Variants in OR2AE1 observed in about 807,000 individuals in gnomAD.
OR2AE1 encodes olfactory receptor 2AE1.
For synonymous variants in OR2AE1, 159 were observed against 153.6 expected, an observed-to-expected ratio of 1.04 and a Z score of -0.26; for missense variants, 400 against 395.6, an observed-to-expected ratio of 1.01 and a Z score of -0.09.
At position 99,876,522 on chromosome 7, in the gene OR2AE1, G is replaced by T; in HGVS notation, c.512C>A (p.Pro171His). 6 of 1,614,108 alleles carry T rather than the reference G, an allele frequency of 3.7e-6. No individual in the cohort carries two copies. In the Middle Eastern group the frequency reaches 9.9e-4, roughly 266 times the overall value. ...AILMHFPFCG[P>H]RKVYHFYCEF... ...ACAGTAGAAGTGGTAGACTTTCCGA[G>T]GCCCACAGAAAGGGAAGTGCATCAA... The change falls in exon 1 of 1, where the codon CCT becomes CAT. Residue 171 changes from proline to histidine, a missense_variant. Pro to His is a moderately conservative substitution (Grantham distance 77). Coordinates refer to ENST00000316368, the MANE Select transcript of OR2AE1 (RefSeq NM_001005276.1).
In OR2AE1 at chr7:99,876,756, G is replaced by A; in HGVS notation, c.278C>T (p.Ser93Phe). The A allele has an allele frequency of 1.2e-6, 2 of 1,614,082 alleles. No homozygotes were observed. Among genetic ancestry groups the A allele is most frequent in the Non-Finnish European group, 1.7e-6 (2 of 1,180,004 alleles). ...TNYLSGKKSISFVGCATQHFL... is the reference protein window; with the variant it reads ...TNYLSGKKSIFFVGCATQHFL... ...GTGCTGGGTTGCACAGCCCACAAAG[G>A]AGATAGATTTCTTGCCAGATAGGTA... Residue 93 changes from serine (S) to phenylalanine (F), a missense_variant, in exon 1 of 1, where the codon TCC becomes TTC. Ser to Phe is a radical substitution (Grantham distance 155, BLOSUM62 -2). Coordinates refer to ENST00000316368, the MANE Select transcript of OR2AE1 (RefSeq NM_001005276.1).
Position 99,876,687 on chromosome 7 carries a change from G to A in OR2AE1, c.347C>T (p.Ala116Val). 1.2e-6 allele frequency: 2 copies of A among 1,614,138 alleles called. No individual in the cohort carries two copies. Among genetic ancestry groups the A allele is most frequent in the Non-Finnish European group, 1.7e-6 (2 of 1,180,014 alleles). The part of the protein sequence containing the change: ...CLGGAECFLL[A>V]VMSYDRYVAI... ...AACATAGCGGTCATAGGACATGACAGCTAAGAGAAAACATTCAGCACCACC... is the reference window on the plus strand; with the variant it reads ...AACATAGCGGTCATAGGACATGACAACTAAGAGAAAACATTCAGCACCACC... The change falls in exon 1 of 1, where the codon GCT becomes GTT. Residue 116 changes from alanine to valine, a missense_variant. Ala to Val is a moderately conservative substitution (Grantham distance 64). Transcript: ENST00000316368.
rs1818641763 is a variant in OR2AE1 at position 99,876,986 on chromosome 7, C to T, written c.48G>A (p.Gly16=). The stretch of plus-strand genomic sequence containing the variant: ...GGTGGGTAAGGGAGTCATCGAAGAG[C>T]CCCTCAAGGATGAAGTCTGCCAGAG... ...QTSLADFILE[G]LFDDSLTHLF... is the part of the protein sequence containing the mutation. Residue 16 remains glycine, a synonymous_variant, in exon 1 of 1, where the codon GGG becomes GGA. Transcript: ENST00000316368. The T allele has an allele frequency of 6.2e-7, 1 of 1,613,506 alleles. No individual in the cohort carries two copies. Among genetic ancestry groups the T allele is most frequent in the Non-Finnish European group, 8.5e-7 (1 of 1,179,748 alleles).
rs1454223037 is a variant in OR2AE1, at chr7:99,876,287, A to G, written c.747T>C (p.Leu249=). Residue 249 remains leucine, a synonymous_variant, in exon 1 of 1, where the codon CTT becomes CTC. Coordinates refer to ENST00000316368, the MANE Select transcript of OR2AE1 (RefSeq NM_001005276.1). The stretch of plus-strand genomic sequence containing the variant: ...AGGAGAAGATGCAGGCACCAAACCA[A>G]AGAGAAACCACCGTGAGGTGGGAGC... ...TCGSHLTVVS[L]WFGACIFSYM... The G allele has an allele frequency of 6.2e-7, 1 of 1,614,174 alleles. No homozygotes were observed. Among genetic ancestry groups the G allele is most frequent in the South Asian group, 1.1e-5 (1 of 91,074 alleles).
Position 99,876,229 on chromosome 7 carries a change from G to A in OR2AE1, c.805C>T (p.Gln269Ter), listed in dbSNP as rs1818620953. The A allele has an allele frequency of 2.5e-6, 4 of 1,614,084 alleles. No individual in the cohort carries two copies. The African/African-American group carries it at 4.0e-5, about 16-fold the overall frequency. Residue 269 changes from glutamine to a stop codon, truncating the protein, a stop_gained, in exon 1 of 1, where the codon CAG (glutamine) becomes TAG (stop). Transcript: ENST00000316368. LOFTEE classifies it low-confidence loss of function (END_TRUNC). ...MRPRSQCTLLQNKVGSVFYSI... is the reference protein window; with the variant it reads ...MRPRSQCTLL ...TAGAACACAGAACCAACTTTGTTCT[G>A]CAATAGAGTGCACTGGGACCTGGGT...
Position 99,876,898 on chromosome 7 carries a change from T to C in OR2AE1, c.136A>G (p.Ile46Val), listed in dbSNP as rs996818948. 5 of 1,613,896 alleles carry C rather than the reference T, an allele frequency of 3.1e-6. No homozygotes were observed. Among genetic ancestry groups the C allele is most frequent in the Non-Finnish European group, 4.2e-6 (5 of 1,179,984 alleles). ...LIAVSGNTLT[I>V]LLICIDPQLH... ...TGGGGATCAATGCAGATGAGGAGAATGGTGAGGGTGTTGCCACTCACCGCA... is the reference window on the plus strand; with the variant it reads ...TGGGGATCAATGCAGATGAGGAGAACGGTGAGGGTGTTGCCACTCACCGCA... The change falls in exon 1 of 1, where the codon ATT becomes GTT. Residue 46 changes from isoleucine to valine, a missense_variant. Ile to Val is a conservative substitution (Grantham distance 29, BLOSUM62 3). Coordinates refer to ENST00000316368, the MANE Select transcript of OR2AE1 (RefSeq NM_001005276.1).
rs1255390555 is a variant in OR2AE1, at chr7:99,876,425, G to A, written c.609C>T (p.Ser203=). 2 of 1,614,250 alleles carry A rather than the reference G, an allele frequency of 1.2e-6. No individual in the cohort carries two copies. The highest frequency in any genetic ancestry group is 2.2e-5 in the South Asian group (2 of 91,082). ...GGAAGATGGGGAGGAGGAGGAGAATGCTGCTGATGTACACTGTGGTCTCAT... is the reference window on the plus strand; with the variant it reads ...GGAAGATGGGGAGGAGGAGGAGAATACTGCTGATGTACACTGTGGTCTCAT... The part of the protein sequence containing the change: ...TVYETTVYIS[S]ILLLLPIFLI... The change falls in exon 1 of 1, where the codon AGC becomes AGT. Residue 203 remains serine (S), a synonymous_variant. Transcript: ENST00000316368.
At position 99,876,099 on chromosome 7, in the gene OR2AE1, C is replaced by A. The variant is rs755904424; in HGVS notation, c.935G>T (p.Cys312Phe). The A allele has an allele frequency of 5.0e-6, 8 of 1,608,286 alleles. No individual in the cohort carries two copies. The South Asian group carries it at 6.7e-5, about 13-fold the overall frequency. ...CAACCACAATTGCAGTCGTTGAATG[C>A]ACTGGGTGATAACATCTCTCCTCAG... ...RVLRRDVITQ[C>F]IQRLQLWLPR... The change falls in exon 1 of 1, where the codon TGC (cysteine) becomes TTC (phenylalanine). Residue 312 changes from cysteine (C) to phenylalanine (F), a missense_variant. Cys to Phe is a radical substitution (Grantham distance 205). Transcript: ENST00000316368.
rs1818624393 is a variant in OR2AE1, at chr7:99,876,346, A to G, written c.688T>C (p.Ser230Pro). The change falls in exon 1 of 1, where the codon TCT becomes CCT. Residue 230 changes from serine (S) to proline (P), a missense_variant. Transcript: ENST00000316368. ...GCAAAGGCATTTCTCTTGCTCCCAG[A>G]TGAGCGCATCTGAATGACACTTTGA... is the stretch of plus-strand genomic sequence containing the variant. ...ILQSVIQMRSSGSKRNAFATC... is the reference protein window; with the variant it reads ...ILQSVIQMRSPGSKRNAFATC... 6.2e-7 allele frequency: 1 copy of G among 1,614,214 alleles called. No homozygotes were observed.
chr7:99,876,551 C>T lies in OR2AE1; in HGVS notation c.483G>A (p.Ala161=), dbSNP rs373434015. Residue 161 remains alanine (A), a synonymous_variant, in exon 1 of 1, where the codon GCG becomes GCA. Coordinates refer to ENST00000316368, the MANE Select transcript of OR2AE1 (RefSeq NM_001005276.1). ...CACAGAAAGGGAAGTGCATCAAGAT[C>T]GCCATGTGAATTAGGGAGTTCACGG... ...GASVNSLIHM[A]ILMHFPFCGP... is the part of the protein sequence containing the mutation. 15 of 1,613,988 alleles carry T rather than the reference C, an allele frequency of 9.3e-6. No homozygotes were observed. Among genetic ancestry groups the T allele is most frequent in the Middle Eastern group, 1.6e-4 (1 of 6,084 alleles).
In OR2AE1 at chr7:99,877,030, A is replaced by G. The variant is rs1818642859; in HGVS notation, c.4T>C (p.Trp2Arg). The G allele has an allele frequency of 6.2e-7, 1 of 1,606,540 alleles. No homozygotes were observed. Among genetic ancestry groups the G allele is most frequent in the Non-Finnish European group, 8.5e-7 (1 of 1,176,430 alleles). The change falls in exon 1 of 1, where the codon TGG becomes CGG. Residue 2 changes from tryptophan (W) to arginine (R), a missense_variant. Transcript: ENST00000316368. Reference protein sequence around the residue: MWQKNQTSLADF... With the variant: MRQKNQTSLADF... ...GCCAGAGAGGTCTGATTCTTCTGCC[A>G]CATTGTCCCCTTTCTCAATCCCTGA...
rs1323627105 is a variant in OR2AE1, at chr7:99,876,557, G to T, written c.477C>A (p.His159Gln). The part of the protein sequence containing the change: ...WLGASVNSLI[H>Q]MAILMHFPFC... ...AAGGGAAGTGCATCAAGATCGCCATGTGAATTAGGGAGTTCACGGATGCCC... is the reference window on the plus strand; with the variant it reads ...AAGGGAAGTGCATCAAGATCGCCATTTGAATTAGGGAGTTCACGGATGCCC... The change falls in exon 1 of 1, where the codon CAC becomes CAA. Residue 159 changes from histidine (H) to glutamine (Q), a missense_variant. Transcript: ENST00000316368. The T allele has an allele frequency of 3.1e-6, 5 of 1,614,010 alleles. No homozygotes were observed. The highest frequency in any genetic ancestry group is 2.7e-5 in the African/African-American group (2 of 74,932).
chr7:99,876,811 A>T lies in OR2AE1; in HGVS notation c.223T>A (p.Ser75Thr). ...QLSLMDLMHV[S>T]TIILKMATNY... is the part of the protein sequence containing the mutation. The stretch of plus-strand genomic sequence containing the variant: ...GTAGCCATCTTCAGGATGATTGTGG[A>T]GACATGCATCAGATCCATGAGGGAG... Residue 75 changes from serine (S) to threonine (T), a missense_variant, in exon 1 of 1, where the codon TCC (serine) becomes ACC (threonine). Transcript: ENST00000316368. The T allele has an allele frequency of 6.2e-7, 1 of 1,614,058 alleles. No homozygotes were observed. Among genetic ancestry groups the T allele is most frequent in the Non-Finnish European group, 8.5e-7 (1 of 1,179,984 alleles).
chr7:99,876,610 G>T lies in OR2AE1; in HGVS notation c.424C>A (p.Leu142Met), dbSNP rs2151634619. The T allele has an allele frequency of 6.2e-7, 1 of 1,613,998 alleles. No individual in the cohort carries two copies. The highest frequency in any genetic ancestry group is 1.1e-5 in the South Asian group (1 of 91,074). ...AACCATGACATGACAGCCATCATCAGTCCCACCTTCTTGTTCATGAGCACA... is the reference window on the plus strand; with the variant it reads ...AACCATGACATGACAGCCATCATCATTCCCACCTTCTTGTTCATGAGCACA... ...YAVLMNKKVG[L>M]MMAVMSWLGA... The change falls in exon 1 of 1, where the codon CTG becomes ATG. Residue 142 changes from leucine to methionine, a missense_variant. Physicochemically the swap from Leu to Met is conservative, Grantham distance 15. Transcript: ENST00000316368.
chr7:99,876,883 T>C lies in OR2AE1; in HGVS notation c.151A>G (p.Ile51Val). 6.2e-6 allele frequency: 10 copies of C among 1,614,056 alleles called. No individual in the cohort carries two copies. Among genetic ancestry groups the C allele is most frequent in the South Asian group, 1.1e-5 (1 of 91,074 alleles). The change falls in exon 1 of 1, where the codon ATT becomes GTT. Residue 51 changes from isoleucine to valine, a missense_variant. By Grantham distance (29) the Ile-to-Val change is conservative. Coordinates refer to ENST00000316368, the MANE Select transcript of OR2AE1 (RefSeq NM_001005276.1). ...ATTGGTGTATGAAGCTGGGGATCAA[T>C]GCAGATGAGGAGAATGGTGAGGGTG... ...GNTLTILLICIDPQLHTPMYF... is the reference protein window; with the variant it reads ...GNTLTILLICVDPQLHTPMYF...
chr7:99,876,811 A>C lies in OR2AE1; in HGVS notation c.223T>G (p.Ser75Ala), dbSNP rs150310476. ...GTAGCCATCTTCAGGATGATTGTGGAGACATGCATCAGATCCATGAGGGAG... is the reference window on the plus strand; with the variant it reads ...GTAGCCATCTTCAGGATGATTGTGGCGACATGCATCAGATCCATGAGGGAG... ...QLSLMDLMHV[S>A]TIILKMATNY... Residue 75 changes from serine (S) to alanine (A), a missense_variant, in exon 1 of 1, where the codon TCC (serine) becomes GCC (alanine). Ser to Ala is a moderately conservative substitution (Grantham distance 99). Coordinates refer to ENST00000316368, the MANE Select transcript of OR2AE1 (RefSeq NM_001005276.1). 39 of 1,614,058 alleles carry C rather than the reference A, an allele frequency of 2.4e-5. No individual in the cohort carries two copies. In the African/African-American group the frequency reaches 4.1e-4, roughly 17 times the overall value.
At position 99,876,399 on chromosome 7, in the gene OR2AE1, A is replaced by C. The variant is rs1032609538; in HGVS notation, c.635T>G (p.Leu212Arg). ...GATGAAGACATAGGATGTAGAAATC[A>C]GGAAGATGGGGAGGAGGAGGAGAAT... Reference protein sequence around the residue: ...SSILLLLPIFLISTSYVFILQ... With the variant: ...SSILLLLPIFRISTSYVFILQ... Residue 212 changes from leucine to arginine, a missense_variant, in exon 1 of 1, where the codon CTG becomes CGG. Coordinates refer to ENST00000316368, the MANE Select transcript of OR2AE1 (RefSeq NM_001005276.1). 2.5e-6 allele frequency: 4 copies of C among 1,614,110 alleles called. No individual in the cohort carries two copies. Among genetic ancestry groups the C allele is most frequent in the Non-Finnish European group, 1.7e-6 (2 of 1,180,038 alleles).
Sources: gnomAD v4.1 joint callset for allele counts on GRCh38, gnomAD v4.1.1 for gene constraint, MANE v1.5 for transcripts, NCBI Gene and HGNC (gene_info 2026-07-23, HGNC 2026-07-21) for gene names.